The following RPS6KC1 variants were observed in gnomAD, a reference collection of about 807,000 sequenced individuals.
RPS6KC1 encodes the protein ribosomal protein S6 kinase C1, also known as inactive ribosomal protein S6 kinase delta-1.
A neutral mutation model predicts 103.8 loss-of-function variants in RPS6KC1; 54 were observed. The observed-to-expected ratio is 0.52, with a 90% CI of 0.42 to 0.65. RPS6KC1 has a LOEUF of 0.65. RPS6KC1 is among the 30% of genes least tolerant of loss of function. RPS6KC1 has a pLI of 0.00. For missense variants in RPS6KC1, 1,151 were observed against 1,253.8 expected (o/e 0.92, Z 1.24); for synonymous variants, 439 against 438.7 (o/e 1.00, Z -0.01).
At chr1:213,292,163 A>G in the RPS6KC1 span, among the ~76,000 whole-genome samples, 369 of 152,178 alleles carry the variant, frequency 2.4e-3, no homozygotes, top group African/African-American at 8.4e-3. Flanking sequence ...TGACGAGTTA[A>G]TGGATGCAGC....
the RPS6KC1 span, among the ~76,000 whole-genome samples, chr1:213,690,522 C>T: frequency 2.0e-5 from 3 of 152,196 alleles, no homozygotes; most frequent in African/African-American, 7.2e-5. Context: ...ACTGGCCAAT[C>T]AAAGGGAGTT....
chr1:213,655,967 T>C, the RPS6KC1 span, among the ~76,000 whole-genome samples: 2 of 152,166 alleles, frequency 1.3e-5, no homozygotes, highest in Admixed American at 1.3e-4. Context: ...CAGAATTCAG[T>C]CTCTATTTTA....
At chr1:213,605,844 C>T in the RPS6KC1 span, among the ~76,000 whole-genome samples, 1 of 152,076 alleles carries the variant, frequency 6.6e-6, no homozygotes, top group African/African-American at 2.4e-5. Context: ...GGGAAACGAC[C>T]AAGGTTACGC....
the RPS6KC1 span, among the ~76,000 whole-genome samples, chr1:213,364,711 T>G: frequency 6.6e-6 from 1 of 152,138 alleles, no homozygotes; most frequent in African/African-American, 2.4e-5. Flanking sequence ...TGCAGCATGT[T>G]GGGAGGCCTA....
the RPS6KC1 span, among the ~76,000 whole-genome samples, chr1:213,510,829 G>T: frequency 6.6e-6 from 1 of 152,182 alleles, no homozygotes; most frequent in African/African-American, 2.4e-5. Context: ...GCCCTTATTT[G>T]TGTGGGGTGG....
chr1:213,563,388 A>T, the RPS6KC1 span, among the ~76,000 whole-genome samples: 6 of 152,120 alleles, frequency 3.9e-5, no homozygotes, highest in Non-Finnish European at 7.4e-5. Flanking sequence ...CTGATTTTTT[A>T]AAAAGCAATA....
the RPS6KC1 span, among the ~76,000 whole-genome samples, chr1:213,517,557 C>T: frequency 1.3e-5 from 2 of 152,156 alleles, no homozygotes; most frequent in African/African-American, 4.8e-5. Context: ...GTTTCTTAAT[C>T]CTGAGTTCTA....
the RPS6KC1 span, among the ~76,000 whole-genome samples, chr1:213,463,676 G>C: frequency 1.3e-5 from 2 of 152,142 alleles, no homozygotes; most frequent in African/African-American, 2.4e-5. Context: ...TTGCCCTCAA[G>C]AGTTGGCCAA....
At chr1:213,392,539 C>G in the RPS6KC1 span, among the ~76,000 whole-genome samples, 1 of 152,212 alleles carries the variant, frequency 6.6e-6, no homozygotes, top group Non-Finnish European at 1.5e-5. Context: ...TCAACATTAT[C>G]TTGTCACACA....
the RPS6KC1 span, among the ~76,000 whole-genome samples, chr1:213,415,167 C>G: frequency 6.6e-6 from 1 of 152,230 alleles, no homozygotes; most frequent in South Asian, 2.1e-4. Flanking sequence ...GTGTCTACTC[C>G]TATGTTTCAT....
the RPS6KC1 span, among the ~76,000 whole-genome samples, chr1:213,530,158 C>T: frequency 2.2e-4 from 34 of 152,212 alleles, no homozygotes; most frequent in Admixed American, 1.6e-3. Context: ...CCCATTAACT[C>T]GTCATTTATC....
the RPS6KC1 span, among the ~76,000 whole-genome samples, chr1:213,408,807 A>T: frequency 6.6e-6 from 1 of 152,218 alleles, no homozygotes; most frequent in Non-Finnish European, 1.5e-5. Flanking sequence ...ACATTTATGG[A>T]GCACACAGTG....
the RPS6KC1 span, among the ~76,000 whole-genome samples, chr1:213,380,231 A>G: frequency 1.3e-5 from 2 of 152,152 alleles, no homozygotes; most frequent in South Asian, 4.1e-4. Flanking sequence ...GGAGCAGAAA[A>G]CCAAACGCTG....
the RPS6KC1 span, among the ~76,000 whole-genome samples, chr1:213,826,346 A>C: frequency 6.6e-6 from 1 of 152,206 alleles, no homozygotes; most frequent in Admixed American, 6.5e-5. Context: ...CACTATAAAC[A>C]AGTAATCACT....
At chr1:213,631,573 C>A in the RPS6KC1 span, among the ~76,000 whole-genome samples, 1 of 151,912 alleles carries the variant, frequency 6.6e-6, no homozygotes, top group Non-Finnish European at 1.5e-5. Context: ...TTTTTCTATA[C>A]AAAAATTATA....
intron 2 of RPS6KC1, among the ~76,000 whole-genome samples, chr1:213,073,706 C>T (rs959523939): frequency 4.6e-5 from 7 of 152,020 alleles, no homozygotes; most frequent in African/African-American, 1.4e-4. Flanking sequence ...GATGGAGTCT[C>T]GCTCTGTCAC....
At chr1:213,421,408 C>G in the RPS6KC1 span, among the ~76,000 whole-genome samples, 1 of 152,220 alleles carries the variant, frequency 6.6e-6, no homozygotes, top group South Asian at 2.1e-4. Flanking sequence ...CCACTGCGCC[C>G]GGCCCTCCAA....
chr1:213,750,756 A>C, the RPS6KC1 span, among the ~76,000 whole-genome samples: 1 of 152,186 alleles, frequency 6.6e-6, no homozygotes, highest in Non-Finnish European at 1.5e-5. Flanking sequence ...AGGGCCAAAG[A>C]TGTGATTTCA....
At chr1:213,207,088 A>G (rs920827158) in intron 8 of RPS6KC1, among the ~76,000 whole-genome samples, 1 of 152,216 alleles carries the variant, frequency 6.6e-6, no homozygotes, top group South Asian at 2.1e-4. Flanking sequence ...CAGCCTGGGC[A>G]TCAGAGTGAG....
Sources: allele counts gnomAD v4.1 joint callset (sites outside exome capture counted in the v4.1 genomes callset), GRCh38; gene constraint gnomAD v4.1.1; transcripts MANE v1.5; gene names NCBI Gene and HGNC (gene_info 2026-07-23, HGNC 2026-07-21).